The following PCDHGA1 variants were observed in gnomAD, a reference collection of about 807,000 sequenced individuals.
PCDHGA1 encodes protocadherin gamma subfamily A, 1.
A neutral mutation model predicts 58.0 loss-of-function variants in PCDHGA1; 32 were observed. That is an observed-to-expected ratio of 0.55 (90% CI 0.42 to 0.74). The LOEUF is 0.74. Ranked by LOEUF, PCDHGA1 falls within the 30% of genes least tolerant of loss-of-function variation. PCDHGA1 has a pLI of 0.00. For synonymous variants in PCDHGA1, 498 were observed against 501.1 expected (o/e 0.99, Z 0.08); for missense variants, 1,205 against 1,182.3 (o/e 1.02, Z -0.28).
rs1237357789 is a variant in PCDHGA1, at chr5:141,334,898, G to A, written c.2421+1793G>A. Among the ~76,000 whole-genome samples the A allele has an allele frequency of 6.6e-6, 1 of 152,006 alleles. No homozygotes were observed. Among genetic ancestry groups the A allele is most frequent in the Non-Finnish European group, 1.5e-5 (1 of 68,000 alleles). On this transcript the variant is annotated intron_variant, in intron 1 of 3. Coordinates refer to ENST00000517417, the MANE Select transcript of PCDHGA1 (RefSeq NM_018912.3). This position sits in a 1 kb window ranked among gnomAD's most constrained non-coding sequence, Gnocchi z 4.6. ...AAGGAGAGAGGGATATAGTGTAGAA[G>A]AGAAAAAAACAAACTAAAACTAAAA...
chr5:141,370,997 C>A (rs1449241372), intron 1 of PCDHGA1: 1 of 1,613,866 alleles, frequency 6.2e-7, no homozygotes, highest in Non-Finnish European at 8.5e-7. Flanking sequence ...CACCCCTGGA[C>A]AGGGAAGAGC....
chr5:141,370,865 G>A lies in PCDHGA1; in HGVS notation c.2421+37760G>A, dbSNP rs749306291. The A allele has an allele frequency of 1.2e-5, 19 of 1,613,886 alleles. 1 individual carries two copies. The South Asian group carries it at 1.9e-4, about 16-fold the overall frequency. ...GAGCCACATTTGCCCTGGAATCTGC[G>A]CAAGATCCTGATGTAGGTGTCAATT... On this transcript the variant is annotated intron_variant, in intron 1 of 3. Transcript: ENST00000517417.
intron 1 of PCDHGA1, chr5:141,405,044 G>A (rs769617162): frequency 6.2e-7 from 1 of 1,613,938 alleles, no homozygotes; most frequent in Admixed American, 1.7e-5. Context: ...TGTGGCTGTG[G>A]CAGTCGTCTC....
At chr5:141,371,789 T>G in intron 1 of PCDHGA1, 1 of 1,613,924 alleles carries the variant, frequency 6.2e-7, no homozygotes. Flanking sequence ...CTGAGAACAA[T>G]CCGCCTGGAG....
chr5:141,333,806 C>T, intron 1 of PCDHGA1: 1 of 152,744 alleles, frequency 6.5e-6, no homozygotes, highest in Non-Finnish European at 1.5e-5. Context: ...CCCACCTCAG[C>T]CTCTCAAAGT....
At chr5:141,433,640 A>C (rs2097637476) in intron 1 of PCDHGA1, among the ~76,000 whole-genome samples, 2 of 152,138 alleles carry the variant, frequency 1.3e-5, no homozygotes, top group South Asian at 2.1e-4. Flanking sequence ...GTTTGAGACC[A>C]GCCTGACCAA....
At chr5:141,437,264 A>G (rs2097872616) in intron 1 of PCDHGA1, among the ~76,000 whole-genome samples, 2 of 152,228 alleles carry the variant, frequency 1.3e-5, no homozygotes, top group South Asian at 2.1e-4. Context: ...TTTTATGTGT[A>G]TGACAGATGT....
At chr5:141,372,282 C>G (rs1163647309) in intron 1 of PCDHGA1, 3 of 1,613,202 alleles carry the variant, frequency 1.9e-6, no homozygotes, top group East Asian at 2.2e-5. Flanking sequence ...GCGCACGGCG[C>G]GTACCTTGGG....
chr5:141,371,947 G>A (rs1208928523), intron 1 of PCDHGA1: 3 of 1,613,182 alleles, frequency 1.9e-6, no homozygotes, highest in Admixed American at 3.3e-5. Context: ...TTCGCGCAGC[G>A]AGCCTTCGAC....
Position 141,346,603 on chromosome 5 carries a change from C to T in PCDHGA1, c.2421+13498C>T, listed in dbSNP as rs577224042. On this transcript the variant is annotated intron_variant, in intron 1 of 3. Coordinates refer to ENST00000517417, the MANE Select transcript of PCDHGA1 (RefSeq NM_018912.3). ...ATATTTGTCCCCCTTTCTTTCTGGGCCTATAGTAGGACTGCACTCCCCGGT... is the reference window on the plus strand; with the variant it reads ...ATATTTGTCCCCCTTTCTTTCTGGGTCTATAGTAGGACTGCACTCCCCGGT... The T allele has an allele frequency of 1.1e-4, 142 of 1,250,570 alleles. No homozygotes were observed. The East Asian group carries it at 3.5e-3, about 31-fold the overall frequency. 77.5% of individuals were successfully genotyped at this position (1,250,570 alleles called of 1,614,324 possible).
At chr5:141,412,264 CT>C (rs765219351) in intron 1 of PCDHGA1, 4 of 152,206 alleles carry the variant, frequency 2.6e-5, no homozygotes, top group Non-Finnish European at 4.4e-5. Context: ...TTTTCTAAAA[CT>C]TTTAGTACTT....
At chr5:141,447,725 C>G (rs1009407606) in intron 1 of PCDHGA1, among the ~76,000 whole-genome samples, 4 of 152,174 alleles carry the variant, frequency 2.6e-5, no homozygotes, top group African/African-American at 9.7e-5. Context: ...TTTTCCAAAA[C>G]TCATTGAACT....
chr5:141,494,906 A>T, intron 2 of PCDHGA1, 41 bp downstream of exon 2: 1 of 1,613,800 alleles, frequency 6.2e-7, no homozygotes, highest in Non-Finnish European at 8.5e-7. Flanking sequence ...TCTCTGCGGC[A>T]TTTTCTCAGG....
chr5:141,350,882 A>C, intron 1 of PCDHGA1: 1 of 1,614,052 alleles, frequency 6.2e-7, no homozygotes, highest in Non-Finnish European at 8.5e-7. Context: ...TCATCGCTTA[A>C]TCCTGACTGC....
At position 141,373,421 on chromosome 5, in the gene PCDHGA1, G is replaced by A. The variant is rs139166526; in HGVS notation, c.2421+40316G>A. The stretch of plus-strand genomic sequence containing the variant: ...GCCTGTAGTCCCAGCTACTCGGGAG[G>A]CTGAGGTGGGAGGATCCCTTGATCC... On this transcript the variant is annotated intron_variant, in intron 1 of 3. Transcript: ENST00000517417. 4.0e-3 allele frequency among the ~76,000 whole-genome samples: 615 copies of A among 152,344 alleles called. 6 individuals carry two copies. The highest frequency in any genetic ancestry group is 0.011 in the Admixed American group (171 of 15,306).
intron 1 of PCDHGA1, among the ~76,000 whole-genome samples, chr5:141,473,413 G>A (rs1282997381): frequency 6.6e-6 from 1 of 152,156 alleles, no homozygotes; most frequent in Non-Finnish European, 1.5e-5. Context: ...CTTCTTCAGT[G>A]GGGGAAGCAG....
chr5:141,341,146 G>T (rs748255386), intron 1 of PCDHGA1: 2 of 1,613,150 alleles, frequency 1.2e-6, no homozygotes, highest in Non-Finnish European at 8.5e-7. Context: ...CACGCCTGCT[G>T]CAGGCTTCAG....
rs1029237740 is a variant in PCDHGA1, at chr5:141,500,358, A to G, written c.2481-5035A>G. ...AGAATAGCTGGGACTACAGGCGCCC[A>G]CTACCACGCCCGGCTAATTATTTTG... On this transcript the variant is annotated intron_variant, in intron 2 of 3. Coordinates refer to ENST00000517417, the MANE Select transcript of PCDHGA1 (RefSeq NM_018912.3). Among the ~76,000 whole-genome samples, 5 of 151,706 alleles carry G rather than the reference A, an allele frequency of 3.3e-5. No homozygotes were observed. In the South Asian group the frequency reaches 6.3e-4, roughly 19 times the overall value.
At chr5:141,365,706 C>T (rs779448749) in intron 1 of PCDHGA1, 1 of 1,613,698 alleles carries the variant, frequency 6.2e-7, no homozygotes, top group African/African-American at 1.3e-5. Flanking sequence ...TCCTACTCCA[C>T]CTCTGTCACA....
Sources: gnomAD v4.1 joint callset for allele counts (sites outside exome capture counted in the v4.1 genomes callset) on GRCh38, gnomAD v4.1.1 for gene constraint, Gnocchi (gnomAD v3.1) non-coding constraint, MANE v1.5 for transcripts, NCBI Gene and HGNC (gene_info 2026-07-23, HGNC 2026-07-21) for gene names.